TMPRSS15: variants seen among roughly 807,000 people sequenced by gnomAD.
TMPRSS15 encodes the protein enteropeptidase.
Under a neutral mutation model 125.3 loss-of-function variants are expected in TMPRSS15, and 128 were observed. The ratio of observed to expected loss-of-function variants is 1.02; its 90% CI spans 0.89 to 1.18. TMPRSS15 has a LOEUF of 1.18. Among genes scored for constraint, TMPRSS15 ranks in the 50% most tolerant of loss-of-function variants. TMPRSS15 has a pLI of 0.00. For synonymous variants in TMPRSS15, 446 were observed against 423.2 expected (o/e 1.05, Z -0.66); for missense variants, 1,283 against 1,212.7 (o/e 1.06, Z -0.86).
chr21:18,451,960 T>G (rs1978346599), intron 1 of TMPRSS15, among the ~76,000 whole-genome samples: 1 of 152,174 alleles, frequency 6.6e-6, no homozygotes, highest in Non-Finnish European at 1.5e-5. Flanking sequence ...CATGCATAAT[T>G]TTATTTTCTC....
At chr21:18,273,727 A>C (rs1327274196) in intron 24 of TMPRSS15, among the ~76,000 whole-genome samples, 1 of 152,218 alleles carries the variant, frequency 6.6e-6, no homozygotes, top group Non-Finnish European at 1.5e-5. Flanking sequence ...TCTAAGTGGC[A>C]ATATATCTTA....
intron 1 of TMPRSS15, among the ~76,000 whole-genome samples, chr21:18,464,656 C>A (rs1846256103): frequency 6.6e-6 from 1 of 152,074 alleles, no homozygotes; most frequent in South Asian, 2.1e-4. Flanking sequence ...ACTAGAAAAT[C>A]TGGAAAAAAT....
intron 1 of TMPRSS15, among the ~76,000 whole-genome samples, chr21:18,462,793 A>C: frequency 6.6e-6 from 1 of 152,080 alleles, no homozygotes; most frequent in East Asian, 1.9e-4. Context: ...AAAAAATTTT[A>C]AGGGCAGCCA....
chr21:18,287,141 A>C (rs2074774388), intron 21 of TMPRSS15, among the ~76,000 whole-genome samples: 1 of 152,176 alleles, frequency 6.6e-6, no homozygotes, highest in Admixed American at 6.6e-5. Flanking sequence ...TGTCATATAA[A>C]CCTTATCAGA....
intron 1 of TMPRSS15, among the ~76,000 whole-genome samples, chr21:18,475,575 G>GAGCA (rs1284528468): frequency 6.6e-6 from 1 of 152,142 alleles, no homozygotes; most frequent in Admixed American, 6.5e-5. Context: ...CTGGATGACA[G>GAGCA]AGCAAGACTC....
intron 13 of TMPRSS15, among the ~76,000 whole-genome samples, chr21:18,341,054 GT>G (rs368553421): frequency 2.0e-5 from 3 of 151,996 alleles, no homozygotes; most frequent in Non-Finnish European, 4.4e-5. Context: ...AATAATTATT[GT>G]TTTTTGTTTT....
chr21:18,273,043 A>C (rs1476271276), intron 24 of TMPRSS15, among the ~76,000 whole-genome samples: 2 of 152,110 alleles, frequency 1.3e-5, no homozygotes, highest in Non-Finnish European at 2.9e-5. Context: ...GATAATTTGC[A>C]TTTCTAGCAG....
intron 1 of TMPRSS15, among the ~76,000 whole-genome samples, chr21:18,438,635 G>A (rs59033764): frequency 0.062 from 9,489 of 151,974 alleles, 563 homozygotes; most frequent in African/African-American, 0.15. Flanking sequence ...CACAAATACC[G>A]TCTCATCATT....
chr21:18,409,352 G>A (rs1381271853), intron 1 of TMPRSS15, among the ~76,000 whole-genome samples: 1 of 151,844 alleles, frequency 6.6e-6, no homozygotes, highest in Non-Finnish European at 1.5e-5. Context: ...ACCTTTTTCA[G>A]TTTCCCTTTT....
At chr21:18,483,592 G>C (rs1374128293) in intron 1 of TMPRSS15, among the ~76,000 whole-genome samples, 2 of 151,482 alleles carry the variant, frequency 1.3e-5, no homozygotes, top group African/African-American at 2.4e-5. Context: ...TAGAGATTTG[G>C]GTATTTGTCT....
intron 5 of TMPRSS15, among the ~76,000 whole-genome samples, chr21:18,375,164 A>G (rs893405972): frequency 2.6e-5 from 4 of 152,220 alleles, no homozygotes; most frequent in African/African-American, 9.7e-5. Flanking sequence ...TATTAAAACT[A>G]GTATGAAAAA....
intron 21 of TMPRSS15, among the ~76,000 whole-genome samples, chr21:18,288,089 T>C (rs538311616): frequency 1.4e-4 from 21 of 152,268 alleles, no homozygotes; most frequent in Non-Finnish European, 2.5e-4. Flanking sequence ...AACATAAGTG[T>C]TCATCAACAG....
intron 6 of TMPRSS15, 93 bp downstream of exon 6, chr21:18,372,098 ATG>A (rs56932398): frequency 0.09 from 48,030 of 533,842 alleles, 751 homozygotes; most frequent in African/African-American, 0.18. Flanking sequence ...TGAGATTAGA[ATG>A]TGTGTGTGTG....
chr21:18,422,851 G>T (rs1368983507), intron 1 of TMPRSS15, among the ~76,000 whole-genome samples: 1 of 152,198 alleles, frequency 6.6e-6, no homozygotes, highest in African/African-American at 2.4e-5. Flanking sequence ...AGAGAAACTT[G>T]TGAGGGTTAG....
intron 1 of TMPRSS15, among the ~76,000 whole-genome samples, chr21:18,452,530 G>T (rs914240077): frequency 7.9e-5 from 12 of 152,268 alleles, no homozygotes; most frequent in African/African-American, 2.9e-4. Context: ...TCCGGGCATG[G>T]TGGTGGGCAC....
At chr21:18,418,917 A>G (rs540668044) in intron 1 of TMPRSS15, among the ~76,000 whole-genome samples, 1 of 152,300 alleles carries the variant, frequency 6.6e-6, no homozygotes, top group South Asian at 2.1e-4. Context: ...AAAAAATGCT[A>G]TCATACTGCT....
chr21:18,414,047 G>T (rs1469302494), intron 1 of TMPRSS15, among the ~76,000 whole-genome samples: 3 of 152,062 alleles, frequency 2.0e-5, no homozygotes, highest in African/African-American at 7.2e-5. Context: ...AACTATTTCA[G>T]CATAGAAATA....
chr21:18,452,734 G>A (rs1292283455), intron 1 of TMPRSS15, among the ~76,000 whole-genome samples: 1 of 145,076 alleles, frequency 6.9e-6, no homozygotes, highest in East Asian at 2.1e-4. Context: ...TGAACTAATC[G>A]ATGACAATTT....
At chr21:18,368,728 T>TC (rs2075763067) in intron 6 of TMPRSS15, among the ~76,000 whole-genome samples, 1 of 152,206 alleles carries the variant, frequency 6.6e-6, no homozygotes, top group Admixed American at 6.5e-5. Context: ...GAATGGATAC[T>TC]CCACAGGTCA....
Sources: allele counts gnomAD v4.1 joint callset (sites outside exome capture counted in the v4.1 genomes callset), GRCh38; gene constraint gnomAD v4.1.1; transcripts MANE v1.5; gene names NCBI Gene and HGNC (gene_info 2026-07-23, HGNC 2026-07-21).